The following STKLD1 variants were observed in gnomAD, a reference collection of about 807,000 sequenced individuals.
STKLD1 encodes the protein serine/threonine kinase-like domain-containing protein STKLD1.
STKLD1 carries 79 observed loss-of-function variants against 80.4 expected under a neutral mutation model. That is an observed-to-expected ratio of 0.98 (90% CI 0.82 to 1.19). The LOEUF is 1.19. Ranked by LOEUF, STKLD1 falls within the 50% of genes most tolerant of loss-of-function variation. The probability of loss-of-function intolerance (pLI) is 0.00; values close to 1 mark genes in which losing one functional copy is unlikely to be tolerated. For synonymous variants in STKLD1, 393 were observed against 357.6 expected (o/e 1.10, Z -1.12); for missense variants, 841 against 856.0 (o/e 0.98, Z 0.22).
At position 133,390,328 on chromosome 9, in the gene STKLD1, C is replaced by T. The variant is rs1382362713; in HGVS notation, c.468-353C>T. Among the ~76,000 whole-genome samples the T allele has an allele frequency of 6.6e-6, 1 of 151,932 alleles. No homozygotes were observed. The highest frequency in any genetic ancestry group is 2.4e-5 in the African/African-American group (1 of 41,320). ...CATGTCACTAGACGTCGCACAATGG[C>T]CAAAAATCAATCCCCAGGCAAACGT... On this transcript the variant is annotated intron_variant, in intron 6 of 17. Coordinates refer to ENST00000371957, the MANE Select transcript of STKLD1 (RefSeq NM_153710.5). The surrounding 1 kb of genome is among the most constrained non-coding windows in gnomAD (Gnocchi z 5.1).
intron 7 of STKLD1, among the ~76,000 whole-genome samples, chr9:133,392,074 C>CT (rs869053878): frequency 0.013 from 1,756 of 132,738 alleles, 35 homozygotes; most frequent in Admixed American, 0.034. Context: ...GCACTCTGTC[C>CT]TTTTTTTTTT....
At chr9:133,383,708 T>C (rs1838204620) in intron 2 of STKLD1, 148 bp from the exon 3 acceptor site, 1 of 721,666 alleles carries the variant, frequency 1.4e-6, no homozygotes, top group East Asian at 2.5e-5. Context: ...GTGGTGTTGG[T>C]TGTGGTTGTG....
At position 133,390,050 on chromosome 9, in the gene STKLD1, C is replaced by CT. The variant is rs1453343642; in HGVS notation, c.467+455dup. ...TCTTATTTAAAGAGGAAGAGGGAAA[C>CT]TATGCAGCTGGGCGTGGTGGTGCAC... On this transcript the variant is annotated intron_variant, in intron 6 of 17. Coordinates refer to ENST00000371957, the MANE Select transcript of STKLD1 (RefSeq NM_153710.5). This position sits in a 1 kb window ranked among gnomAD's most constrained non-coding sequence, Gnocchi z 5.1. 6.6e-6 allele frequency among the ~76,000 whole-genome samples: 1 copy of CT among 152,122 alleles called. No individual in the cohort carries two copies. Among genetic ancestry groups the CT allele is most frequent in the Non-Finnish European group, 1.5e-5 (1 of 68,026 alleles).
Position 133,390,563 on chromosome 9 carries a change from T to G in STKLD1, c.468-118T>G. The G allele has an allele frequency of 1.4e-6, 1 of 705,002 alleles. No homozygotes were observed. Among genetic ancestry groups the G allele is most frequent in the Non-Finnish European group, 2.5e-6 (1 of 395,622 alleles). The allele number at this position is 705,002 out of a possible 1,614,324, so 43.7% of individuals were successfully genotyped here. ...TGTGGGCTGCTGCTGCAGAACCAGG[T>G]GGGGCAGGGAGCAGAGAGTCAGGCT... On this transcript the variant is annotated intron_variant, in intron 6 of 17. Transcript: ENST00000371957. This position sits in a 1 kb window ranked among gnomAD's most constrained non-coding sequence, Gnocchi z 5.1.
chr9:133,396,709 A>G (rs1554776771), intron 9 of STKLD1, among the ~76,000 whole-genome samples: 1 of 152,146 alleles, frequency 6.6e-6, no homozygotes, highest in African/African-American at 2.4e-5. Context: ...GTGAGCCGAG[A>G]TTGTGCCACT....
rs981451763 is a variant in STKLD1, at chr9:133,403,631, G to A, written c.1475-69G>A. The A allele has an allele frequency of 3.0e-5, 47 of 1,551,298 alleles. No individual in the cohort carries two copies. In the African/African-American group the frequency reaches 6.4e-4, roughly 21 times the overall value. ...TTAGCTGGAGGAAGGCAGCAGATGG[G>A]GGATGGGAAGGCCCCCCTGCACACA... On this transcript the variant is annotated intron_variant, in intron 14 of 17. Transcript: ENST00000371957.
intron 2 of STKLD1, among the ~76,000 whole-genome samples, chr9:133,380,383 G>C (rs1475702880): frequency 1.3e-5 from 2 of 152,122 alleles, no homozygotes; most frequent in African/African-American, 2.4e-5. Context: ...ACTAGGCATG[G>C]TGGCTCATCC....
Position 133,403,820 on chromosome 9 carries a change from C to A in STKLD1, c.1595C>A (p.Ser532Tyr). 20 of 1,613,532 alleles carry A rather than the reference C, an allele frequency of 1.2e-5. No individual in the cohort carries two copies. Among genetic ancestry groups the A allele is most frequent in the Non-Finnish European group, 1.7e-5 (20 of 1,179,944 alleles). Reference sequence around the variant, plus strand: ...AGCTGCGGAGTCTTCTGGCTGCTGTCCCTGCTGGGTGAGCTGGGTGGGCGC... The same window carrying A: ...AGCTGCGGAGTCTTCTGGCTGCTGTACCTGCTGGGTGAGCTGGGTGGGCGC... ...EASCGVFWLL[S>Y]LLGCIKEQQF... The change falls in exon 15 of 18, where the codon TCC becomes TAC. Residue 532 changes from serine (S) to tyrosine (Y), a missense_variant. By Grantham distance (144) the Ser-to-Tyr change is moderately radical (BLOSUM62 -2). Coordinates refer to ENST00000371957, the MANE Select transcript of STKLD1 (RefSeq NM_153710.5).
In STKLD1 at chr9:133,403,845, C is replaced by A. The variant is rs1174194315; in HGVS notation, c.1603+17C>A. ...CCCTGCTGGGTGAGCTGGGTGGGCG[C>A]CCTGGGCCCCTGGGGCTGGGAGGGG... is the stretch of plus-strand genomic sequence containing the variant. On this transcript the variant is annotated intron_variant, in intron 15 of 17. Transcript: ENST00000371957. The A allele has an allele frequency of 1.2e-6, 2 of 1,612,524 alleles. No homozygotes were observed. Among genetic ancestry groups the A allele is most frequent in the African/African-American group, 2.7e-5 (2 of 74,936 alleles).
At chr9:133,382,746 A>ATGATGATGG (rs1838168920) in intron 2 of STKLD1, among the ~76,000 whole-genome samples, 1 of 144,790 alleles carries the variant, frequency 6.9e-6, no homozygotes, top group Non-Finnish European at 1.5e-5. Flanking sequence ...GATGGTGGTA[A>ATGATGATGG]TGATGATGGT....
In STKLD1 at chr9:133,394,272, A is replaced by G. The variant is rs200288797; in HGVS notation, c.584-19A>G. On this transcript the variant is annotated intron_variant, in intron 7 of 17. Transcript: ENST00000371957. The surrounding 1 kb of genome is among the most constrained non-coding windows in gnomAD (Gnocchi z 4.9). ...AGGGAGCAAAGGACTCAGGGATCCC[A>G]CCTTGCTTTTACCAACAGACCCCTT... 7,510 of 1,554,848 alleles carry G rather than the reference A, an allele frequency of 4.8e-3. 86 individuals carry two copies. Among genetic ancestry groups the G allele is most frequent in the South Asian group, 0.026 (2,295 of 89,980 alleles).
Position 133,387,401 on chromosome 9 carries a change from A to C in STKLD1, c.295-46A>C, listed in dbSNP as rs2130279376. 7.9e-6 allele frequency: 12 copies of C among 1,527,098 alleles called. No individual in the cohort carries two copies. In the Admixed American group the frequency reaches 2.0e-4, roughly 26 times the overall value. 94.6% of individuals were successfully genotyped at this position (1,527,098 alleles called of 1,614,324 possible). A position where few individuals can be genotyped will look rare whatever the true frequency, so the allele number is the denominator to read the frequency against. ...CTGGAGCAGGTGAGCCTGCAGAAGC[A>C]CCGGGGCCTGGGCGTCCTTTGGCTA... On this transcript the variant is annotated intron_variant, in intron 4 of 17. Coordinates refer to ENST00000371957, the MANE Select transcript of STKLD1 (RefSeq NM_153710.5).
At chr9:133,383,441 ATGG>A (rs1394076266) in intron 2 of STKLD1, among the ~76,000 whole-genome samples, 4 of 102,214 alleles carry the variant, frequency 3.9e-5, no homozygotes, top group South Asian at 7.6e-4. Flanking sequence ...GATAGTGGTG[ATGG>A]TGGTGGTGAT....
Position 133,397,216 on chromosome 9 carries a change from T to C in STKLD1, c.919T>C (p.Ser307Pro). 6.2e-7 allele frequency: 1 copy of C among 1,613,956 alleles called. No homozygotes were observed. The highest frequency in any genetic ancestry group is 8.5e-7 in the Non-Finnish European group (1 of 1,180,010). ...LRGSFKSSCV[S>P]LTLHRQMVPA... The stretch of plus-strand genomic sequence containing the variant: ...AGGCTCCTTCAAGTCCTCGTGCGTC[T>C]CTCTGACCCTGCACCGGCAGATGGT... Residue 307 changes from serine to proline, a missense_variant, in exon 10 of 18, where the codon TCT becomes CCT. Physicochemically the swap from Ser to Pro is moderately conservative, Grantham distance 74. Coordinates refer to ENST00000371957, the MANE Select transcript of STKLD1 (RefSeq NM_153710.5).
At chr9:133,395,013 T>G (rs1838522824) in intron 8 of STKLD1, among the ~76,000 whole-genome samples, 1 of 152,112 alleles carries the variant, frequency 6.6e-6, no homozygotes, top group African/African-American at 2.4e-5. Context: ...CTATCCTCTA[T>G]ATGCAGAAGA....
At chr9:133,398,120 G>A in intron 11 of STKLD1, 65 bp downstream of exon 11, 1 of 1,507,250 alleles carries the variant, frequency 6.6e-7, no homozygotes, top group Non-Finnish European at 9.1e-7. Flanking sequence ...GGTCCGGCCT[G>A]TGGGGAGCTG....
rs782770338 is a variant in STKLD1, at chr9:133,397,992, G to A, written c.1018G>A (p.Gly340Ser). The A allele has an allele frequency of 1.4e-5, 22 of 1,613,536 alleles. No homozygotes were observed. In the South Asian group the frequency reaches 1.9e-4, roughly 14 times the overall value. Residue 340 changes from glycine (G) to serine (S), a missense_variant, in exon 11 of 18, where the codon GGC becomes AGC. Physicochemically the swap from Gly to Ser is moderately conservative, Grantham distance 56. Transcript: ENST00000371957. ...SILEVMQKFSGWPEVQLRAMK... is the reference protein window; with the variant it reads ...SILEVMQKFSSWPEVQLRAMK... ...TGCAGAGGTCATGCAGAAATTCTCT[G>A]GCTGGCCCGAAGTCCAGCTCAGGGC...
At position 133,377,152 on chromosome 9, in the gene STKLD1, C is replaced by T. The variant is rs2130252899; in HGVS notation, c.87+592C>T. ...GTCTTTGTGTGAGAGGACTATAGGG[C>T]GTTGCCAGAGGTGAAGCAGATGAGC... On this transcript the variant is annotated intron_variant, in intron 1 of 17. Transcript: ENST00000371957. Among the ~76,000 whole-genome samples the T allele has an allele frequency of 2.6e-5, 4 of 152,084 alleles. No individual in the cohort carries two copies. The South Asian group carries it at 8.3e-4, about 32-fold the overall frequency.
Position 133,384,076 on chromosome 9 carries a change from A to G in STKLD1, c.219+176A>G, listed in dbSNP as rs2119213152. On this transcript the variant is annotated intron_variant, in intron 3 of 17. Coordinates refer to ENST00000371957, the MANE Select transcript of STKLD1 (RefSeq NM_153710.5). This position sits in a 1 kb window ranked among gnomAD's most constrained non-coding sequence, Gnocchi z 4.3. ...CAGCCCCAGGTCATGAAGGGAGTCC[A>G]TGCCCCAAACACTCACTGCTAAATG... 1 of 621,824 alleles carries G rather than the reference A, an allele frequency of 1.6e-6. No individual in the cohort carries two copies. The highest frequency in any genetic ancestry group is 1.9e-5 in the South Asian group (1 of 54,010). The allele number at this position is 621,824 out of a possible 1,614,324, so 38.5% of individuals were successfully genotyped here. A position where few individuals can be genotyped will look rare whatever the true frequency, so the allele number is the denominator to read the frequency against.
Sources: allele counts gnomAD v4.1 joint callset (sites outside exome capture counted in the v4.1 genomes callset), GRCh38; gene constraint gnomAD v4.1.1; non-coding constraint Gnocchi (gnomAD v3.1); transcripts MANE v1.5; gene names NCBI Gene and HGNC (gene_info 2026-07-23, HGNC 2026-07-21).